Variants in VPS53 observed in about 807,000 individuals in gnomAD.
VPS53 encodes vacuolar protein sorting-associated protein 53 homolog.
Under a neutral mutation model 107.0 loss-of-function variants are expected in VPS53, and 70 were observed. That is an observed-to-expected ratio of 0.65 (90% CI 0.54 to 0.80). The LOEUF is 0.80. Ranked by LOEUF, VPS53 falls within the 30% of genes least tolerant of loss-of-function variation. The pLI is 0.00. For synonymous variants in VPS53, 409 were observed against 393.3 expected, an observed-to-expected ratio of 1.04 and a Z score of -0.47; for missense variants, 917 against 1,049.4, an observed-to-expected ratio of 0.87 and a Z score of 1.74.
At chr17:648,497 G>A (rs1970793647) in intron 7 of VPS53, among the ~76,000 whole-genome samples, 1 of 152,226 alleles carries the variant, frequency 6.6e-6, no homozygotes, top group African/African-American at 2.4e-5. Context: ...ATTGCAGTGA[G>A]CTGAGATTGT....
At position 517,576 on chromosome 17, in the gene VPS53, G is replaced by C. The variant is rs898195940; in HGVS notation, c.*1552C>G. ...GCTCTGTCACCCAGGCTGGAGTGCA[G>C]TGGTGAAATCTTGGCTCACTGCAGC... is the stretch of plus-strand genomic sequence containing the variant. On this transcript the variant is annotated 3_prime_UTR_variant, in exon 22 of 22. Transcript: ENST00000437048. 2.5e-6 allele frequency: 1 copy of C among 395,718 alleles called. No individual in the cohort carries two copies. The highest frequency in any genetic ancestry group is 3.6e-5 in the East Asian group (1 of 27,898). The allele number at this position is 395,718 out of a possible 1,614,324, so 24.5% of individuals were successfully genotyped here.
chr17:550,973 A>G (rs1432676311), intron 17 of VPS53, among the ~76,000 whole-genome samples: 2 of 152,230 alleles, frequency 1.3e-5, no homozygotes, highest in Non-Finnish European at 2.9e-5. Context: ...AGAATGAGTC[A>G]GAAGTTACTA....
rs1179340805 is a variant in VPS53, at chr17:714,819, G to C, written c.-110C>G. 2.4e-6 allele frequency: 3 copies of C among 1,229,370 alleles called. No homozygotes were observed. Among genetic ancestry groups the C allele is most frequent in the South Asian group, 2.4e-5 (2 of 81,698 alleles). 76.2% of individuals were successfully genotyped at this position (1,229,370 alleles called of 1,614,324 possible). On this transcript the variant is annotated 5_prime_UTR_variant, in exon 1 of 22. Transcript: ENST00000437048. Reference sequence around the variant, plus strand: ...CTCGCGGCAGCGACCTGGTGAGCCCGGCTCCGTCAGCCGCTCTGTCAGCCG... The same window carrying C: ...CTCGCGGCAGCGACCTGGTGAGCCCCGCTCCGTCAGCCGCTCTGTCAGCCG...
chr17:589,734 T>C (rs909687487), intron 12 of VPS53, among the ~76,000 whole-genome samples: 1 of 152,226 alleles, frequency 6.6e-6, no homozygotes, highest in Non-Finnish European at 1.5e-5. Flanking sequence ...CATTGATCTA[T>C]ATCTCTTGTT....
intron 4 of VPS53, chr17:676,435 C>T (rs1206818470): frequency 6.6e-6 from 1 of 152,194 alleles, no homozygotes; most frequent in Admixed American, 6.5e-5. Flanking sequence ...ATGGAATTTT[C>T]CTTACACGAT....
chr17:638,550 G>A (rs1183096493), intron 7 of VPS53, among the ~76,000 whole-genome samples: 1 of 152,204 alleles, frequency 6.6e-6, no homozygotes, highest in Non-Finnish European at 1.5e-5. Context: ...GCAGTGGCTA[G>A]TACCGGTTGT....
At chr17:636,630 C>T (rs1250978505) in intron 7 of VPS53, among the ~76,000 whole-genome samples, 3 of 152,108 alleles carry the variant, frequency 2.0e-5, no homozygotes, top group South Asian at 2.1e-4. Context: ...GCATGAAGGG[C>T]TGTTGAATTT....
intron 7 of VPS53, among the ~76,000 whole-genome samples, chr17:637,867 G>T (rs1257277913): frequency 6.6e-6 from 1 of 152,236 alleles, no homozygotes; most frequent in Admixed American, 6.5e-5. Context: ...TAAGTGCGAT[G>T]TGGTGCTGAG....
chr17:574,769 A>T (rs1329050769), intron 13 of VPS53, among the ~76,000 whole-genome samples: 1 of 152,180 alleles, frequency 6.6e-6, no homozygotes, highest in African/African-American at 2.4e-5. Context: ...TCTCAAAAAT[A>T]AATAAATAAA....
intron 8 of VPS53, among the ~76,000 whole-genome samples, chr17:628,913 C>A (rs1003531507): frequency 6.6e-6 from 1 of 152,196 alleles, no homozygotes; most frequent in African/African-American, 2.4e-5. Context: ...AAAAGCAATT[C>A]AATGACCAAA....
intron 12 of VPS53, among the ~76,000 whole-genome samples, chr17:590,323 A>G (rs979086669): frequency 1.3e-5 from 2 of 152,184 alleles, no homozygotes; most frequent in Non-Finnish European, 2.9e-5. Flanking sequence ...TCGTCTGCAA[A>G]CAGGGACAAT....
chr17:654,039 C>T (rs1025841944), intron 6 of VPS53, among the ~76,000 whole-genome samples: 21 of 152,054 alleles, frequency 1.4e-4, no homozygotes, highest in African/African-American at 4.6e-4. Flanking sequence ...ACTAAAAATA[C>T]ACAAAATTAG....
intron 7 of VPS53, among the ~76,000 whole-genome samples, chr17:639,673 AG>A (rs1292071621): frequency 1.3e-5 from 2 of 152,160 alleles, no homozygotes; most frequent in African/African-American, 4.8e-5. Context: ...AGTTTGCTGG[AG>A]GTCCACTCCA....
At chr17:623,456 C>T (rs1969556166) in intron 11 of VPS53, 77 bp downstream of exon 11, 81 of 1,523,680 alleles carry the variant, frequency 5.3e-5, no homozygotes, top group Non-Finnish European at 7.2e-5. Flanking sequence ...TGGATAGAGT[C>T]ACCATACAGT....
intron 4 of VPS53, chr17:675,779 A>C (rs1320791462): frequency 1.3e-5 from 2 of 151,686 alleles, no homozygotes; most frequent in African/African-American, 4.8e-5. Context: ...AAAAAAAAAA[A>C]AAAAAAAAAA....
chr17:678,930 CG>C (rs1972275777), intron 4 of VPS53, among the ~76,000 whole-genome samples: 2 of 212 alleles, frequency 9.4e-3, no homozygotes, highest in African/African-American at 0.034. Flanking sequence ...TGAGCCACCG[CG>C]CCCCCGCCAT....
chr17:711,906 T>A (rs991941367), intron 1 of VPS53, among the ~76,000 whole-genome samples: 2 of 150,190 alleles, frequency 1.3e-5, no homozygotes, highest in Admixed American at 1.3e-4. Flanking sequence ...AAGCTCCACC[T>A]CCCAGGTTCA....
In VPS53 at chr17:608,398, C is replaced by T. The variant is rs560649672; in HGVS notation, c.1117-6502G>A. ...AAATCCTCTTCAGAAACATGGGCAA[C>T]ACTTTCTATTTTCTGTAAACAAAAC... On this transcript the variant is annotated intron_variant, in intron 11 of 21. Coordinates refer to ENST00000437048, the MANE Select transcript of VPS53 (RefSeq NM_001128159.3). Among the ~76,000 whole-genome samples, 3 of 152,258 alleles carry T rather than the reference C, an allele frequency of 2.0e-5. No individual in the cohort carries two copies. In the East Asian group the frequency reaches 5.8e-4, roughly 29 times the overall value.
chr17:643,696 T>C (rs1970554036), intron 7 of VPS53, among the ~76,000 whole-genome samples: 1 of 151,244 alleles, frequency 6.6e-6, no homozygotes. Context: ...CACTCATACT[T>C]GGAAAGTGAG....
Sources: gnomAD v4.1 joint callset for allele counts (sites outside exome capture counted in the v4.1 genomes callset) on GRCh38, gnomAD v4.1.1 for gene constraint, MANE v1.5 for transcripts, NCBI Gene and HGNC (gene_info 2026-07-23, HGNC 2026-07-21) for gene names.